The following ITGA11 variants were observed in gnomAD, a reference collection of about 807,000 sequenced individuals.
ITGA11 encodes integrin alpha-11.
ITGA11 carries 97 observed loss-of-function variants against 141.9 expected under a neutral mutation model. That is an observed-to-expected ratio of 0.68 (90% CI 0.58 to 0.81). ITGA11 has a LOEUF of 0.81. Ranked by LOEUF, ITGA11 falls within the 30% of genes least tolerant of loss-of-function variation. The pLI, the probability that ITGA11 is intolerant of heterozygous loss-of-function variation, is 0.00. For missense variants in ITGA11, 1,387 were observed against 1,559.2 expected (o/e 0.89, Z 1.86); for synonymous variants, 658 against 624.6 (o/e 1.05, Z -0.80).
intron 2 of ITGA11, among the ~76,000 whole-genome samples, chr15:68,385,956 T>C (rs2140383528): frequency 6.6e-6 from 1 of 152,236 alleles, no homozygotes; most frequent in South Asian, 2.1e-4. Context: ...GCCTGAGTGG[T>C]CCACCTGCGC....
At chr15:68,397,792 A>G (rs1352209740) in intron 2 of ITGA11, among the ~76,000 whole-genome samples, 1 of 107,974 alleles carries the variant, frequency 9.3e-6, no homozygotes, top group Non-Finnish European at 1.8e-5. Flanking sequence ...TTAAAATAAT[A>G]TAAAATTATT....
rs16951767 is a variant in ITGA11 at position 68,319,039 on chromosome 15, T to C, written c.2616+1146A>G. ...GCCAGCACTTGGAGACTGATGTTTC[T>C]TCAGAGCACATGAAGGGCTGTACCA... On this transcript the variant is annotated intron_variant, in intron 20 of 29. Transcript: ENST00000315757. Among the ~76,000 whole-genome samples the C allele has an allele frequency of 0.047, 7,173 of 152,298 alleles. 819 individuals are homozygous for C. The East Asian group carries it at 0.49, about 10-fold the overall frequency.
chr15:68,367,123 A>G (rs1895447040), intron 3 of ITGA11, among the ~76,000 whole-genome samples: 1 of 152,188 alleles, frequency 6.6e-6, no homozygotes, highest in Non-Finnish European at 1.5e-5. Context: ...ATCCCAACTC[A>G]CTTTGCTACC....
intron 3 of ITGA11, among the ~76,000 whole-genome samples, chr15:68,365,848 A>G (rs911748682): frequency 1.3e-5 from 2 of 151,648 alleles, no homozygotes; most frequent in African/African-American, 4.9e-5. Context: ...CAATGGGAGG[A>G]ATAATTTCTA....
rs369751022 is a variant in ITGA11, at chr15:68,332,433, C to T, written c.1471G>A (p.Gly491Ser). ...AGCAGGACATCAGTCACGCCGTCGC[C>T]GTCGATGTCCACCGAGGTGATTTCA... Reference protein sequence around the residue: ...GSEITSVDIDGDGVTDVLLVG... With the variant: ...GSEITSVDIDSDGVTDVLLVG... Residue 491 changes from glycine (G) to serine (S), a missense_variant, in exon 13 of 30, where the codon GGC (glycine) becomes AGC (serine). Coordinates refer to ENST00000315757, the MANE Select transcript of ITGA11 (RefSeq NM_001004439.2). The T allele has an allele frequency of 5.0e-6, 8 of 1,611,648 alleles. No homozygotes were observed. In the African/African-American group the frequency reaches 6.7e-5, roughly 13 times the overall value.
intron 7 of ITGA11, among the ~76,000 whole-genome samples, chr15:68,356,115 A>G (rs991156055): frequency 6.6e-6 from 1 of 151,130 alleles, no homozygotes; most frequent in Non-Finnish European, 1.5e-5. Flanking sequence ...TATTTTTTTG[A>G]GACGGAGTCT....
At chr15:68,414,842 C>T (rs180878942) in intron 1 of ITGA11, among the ~76,000 whole-genome samples, 11 of 152,314 alleles carry the variant, frequency 7.2e-5, no homozygotes, top group African/African-American at 2.4e-4. Context: ...GCTGTAACCC[C>T]TCTCCCCACG....
intron 20 of ITGA11, among the ~76,000 whole-genome samples, chr15:68,319,151 G>C (rs17252387): frequency 0.08 from 12,207 of 152,344 alleles, 588 homozygotes; most frequent in Non-Finnish European, 0.11. Flanking sequence ...ACTATGCTTT[G>C]TCACATAGCG....
Position 68,357,193 on chromosome 15 carries a change from C to T in ITGA11, c.707G>A (p.Gly236Glu). Residue 236 changes from glycine to glutamate, a missense_variant, in exon 7 of 30, where the codon GGA becomes GAA. Gly to Glu is a moderately conservative substitution (Grantham distance 98). Transcript: ENST00000315757. Reference protein sequence around the residue: ...VEAASHIEQRGGTETRTAFGI... With the variant: ...VEAASHIEQREGTETRTAFGI... Reference sequence around the variant, plus strand: ...AAATGCCGTCCGGGTCTCTGTTCCTCCTCTCTGCTCAATGTGGCTGGCAGC... The same window carrying T: ...AAATGCCGTCCGGGTCTCTGTTCCTTCTCTCTGCTCAATGTGGCTGGCAGC... 6.2e-7 allele frequency: 1 copy of T among 1,613,906 alleles called. No homozygotes were observed. The highest frequency in any genetic ancestry group is 8.5e-7 in the Non-Finnish European group (1 of 1,179,886).
chr15:68,395,016 G>A (rs968651347), intron 2 of ITGA11, among the ~76,000 whole-genome samples: 3 of 152,138 alleles, frequency 2.0e-5, no homozygotes, highest in African/African-American at 7.2e-5. Flanking sequence ...AGCCTCCACT[G>A]GTGATATCCA....
Position 68,307,532 on chromosome 15 carries a change from ACAGCCGCC to A in ITGA11, c.3285+46_3285+53del. On this transcript the variant is annotated intron_variant, in intron 27 of 29. Coordinates refer to ENST00000315757, the MANE Select transcript of ITGA11 (RefSeq NM_001004439.2). This position sits in a 1 kb window ranked among gnomAD's most constrained non-coding sequence, Gnocchi z 6.1. ...GCAGCCCCAGGTGGAAGACATCCCA[ACAGCCGCC>A]CCCTTTCCCTTCTTCCTTCCAGCCC... 6.6e-7 allele frequency: 1 copy of A among 1,523,810 alleles called. No homozygotes were observed. Among genetic ancestry groups the A allele is most frequent in the Non-Finnish European group, 9.0e-7 (1 of 1,114,130 alleles). The allele number at this position is 1,523,810 out of a possible 1,614,324, so 94.4% of individuals were successfully genotyped here.
At chr15:68,392,829 A>G (rs1241628808) in intron 2 of ITGA11, among the ~76,000 whole-genome samples, 1 of 152,232 alleles carries the variant, frequency 6.6e-6, no homozygotes, top group Non-Finnish European at 1.5e-5. Context: ...AACATCCACA[A>G]TATTCACAAT....
At chr15:68,347,895 T>C (rs1247126584) in intron 10 of ITGA11, among the ~76,000 whole-genome samples, 2 of 143,018 alleles carry the variant, frequency 1.4e-5, no homozygotes, top group African/African-American at 5.3e-5. Flanking sequence ...TACACTCTCA[T>C]GGTGCCAGCC....
intron 4 of ITGA11, 67 bp downstream of exon 4, chr15:68,364,640 A>G (rs958314179): frequency 1.9e-5 from 18 of 949,912 alleles, no homozygotes; most frequent in Admixed American, 1.1e-4. Flanking sequence ...GTGTAAGGAG[A>G]CGCTCCACCC....
chr15:68,367,805 G>T (rs899114275), intron 3 of ITGA11, among the ~76,000 whole-genome samples: 5 of 152,206 alleles, frequency 3.3e-5, no homozygotes, highest in African/African-American at 4.8e-5. Flanking sequence ...GTAAACTGAG[G>T]CTCAGAGAGA....
chr15:68,333,514 T>C lies in ITGA11; in HGVS notation c.1426-1036A>G, dbSNP rs1194458755. Among the ~76,000 whole-genome samples, 1 of 152,086 alleles carries C rather than the reference T, an allele frequency of 6.6e-6. No individual in the cohort carries two copies. Among genetic ancestry groups the C allele is most frequent in the Non-Finnish European group, 1.5e-5 (1 of 67,988 alleles). On this transcript the variant is annotated intron_variant, in intron 12 of 29. Transcript: ENST00000315757. This position sits in a 1 kb window ranked among gnomAD's most constrained non-coding sequence, Gnocchi z 4.2. The stretch of plus-strand genomic sequence containing the variant: ...CTGTTTGGGGTACAGTGCTCCCCAC[T>C]TCAGTGAGGGCAACATCCACCCCCT...
At chr15:68,331,202 G>A (rs903064154) in intron 14 of ITGA11, 91 bp from the exon 15 acceptor site, 21 of 1,241,864 alleles carry the variant, frequency 1.7e-5, no homozygotes, top group African/African-American at 1.5e-4. Context: ...AGGAACAATA[G>A]GGAGCCTGTG....
Position 68,322,238 on chromosome 15 carries a change from C to A in ITGA11, c.2323-735G>T, listed in dbSNP as rs968261114. ...TGTTTACAGGGCCTTGGGGTCATTC[C>A]TTGCAACTGGTAGGAGTCGCCGAAT... On this transcript the variant is annotated intron_variant, in intron 18 of 29. Coordinates refer to ENST00000315757, the MANE Select transcript of ITGA11 (RefSeq NM_001004439.2). The surrounding 1 kb of genome is among the most constrained non-coding windows in gnomAD (Gnocchi z 5.6). Among the ~76,000 whole-genome samples the A allele has an allele frequency of 3.3e-5, 5 of 152,182 alleles. No individual in the cohort carries two copies. Among genetic ancestry groups the A allele is most frequent in the African/African-American group, 1.2e-4 (5 of 41,452 alleles).
chr15:68,364,207 T>C (rs1486022842), intron 4 of ITGA11, among the ~76,000 whole-genome samples: 1 of 152,204 alleles, frequency 6.6e-6, no homozygotes, highest in Non-Finnish European at 1.5e-5. Flanking sequence ...AGACGGCTTG[T>C]CACTCTGTAG....
Sources: gnomAD v4.1 joint callset for allele counts (sites outside exome capture counted in the v4.1 genomes callset) on GRCh38, gnomAD v4.1.1 for gene constraint, Gnocchi (gnomAD v3.1) non-coding constraint, MANE v1.5 for transcripts, NCBI Gene and HGNC (gene_info 2026-07-23, HGNC 2026-07-21) for gene names.